The following SDK1 variants were observed in gnomAD, a reference collection of about 807,000 sequenced individuals.
SDK1 encodes the protein sidekick cell adhesion molecule 1, also known as protein sidekick-1.
A neutral mutation model predicts 245.5 loss-of-function variants in SDK1; 157 were observed. The observed-to-expected ratio is 0.64, with a 90% confidence interval of 0.56 to 0.73. The LOEUF (loss-of-function observed/expected upper bound fraction) is 0.73, where lower values mean the gene tolerates loss of function less well. SDK1 is among the 30% of genes least tolerant of loss of function. The probability of loss-of-function intolerance (pLI) is 0.00; values close to 1 mark genes in which losing one functional copy is unlikely to be tolerated. For synonymous variants in SDK1, 1,647 were observed against 1,278.5 expected (o/e 1.29, Z -6.15); for missense variants, 3,583 against 3,002.3 (o/e 1.19, Z -4.52).
intron 5 of SDK1, among the ~76,000 whole-genome samples, chr7:3,902,335 C>T (rs972777113): frequency 6.6e-6 from 1 of 152,204 alleles, no homozygotes; most frequent in African/African-American, 2.4e-5. Context: ...CCTGATTCCC[C>T]ATCACATTAA....
chr7:4,210,172 G>A lies in SDK1; in HGVS notation c.5539+10G>A, dbSNP rs199907657. On this transcript the variant is annotated intron_variant, in intron 38 of 44. Transcript: ENST00000404826. ...TTGGCCCCTGTACAAGGTAAGACCC[G>A]GGGTTGGGGAGATGGGAGCGCGGGC... 75 of 1,538,712 alleles carry A rather than the reference G, an allele frequency of 4.9e-5. No individual in the cohort carries two copies. Among genetic ancestry groups the A allele is most frequent in the Admixed American group, 1.5e-4 (7 of 46,612 alleles).
intron 44 of SDK1, among the ~76,000 whole-genome samples, chr7:4,264,206 TG>T (rs67156372): frequency 0.29 from 6,933 of 23,810 alleles, 1,148 homozygotes; most frequent in African/African-American, 0.47. Flanking sequence ...CTCTCCTGAG[TG>T]GGGGAGGCCG....
intron 31 of SDK1, 25 bp from the exon 32 acceptor site, chr7:4,161,761 C>A: frequency 6.2e-7 from 1 of 1,605,866 alleles, no homozygotes; most frequent in South Asian, 1.1e-5. Context: ...CCCTGACCCC[C>A]GCTTTCCTCT....
At chr7:3,530,783 T>A (rs543999366) in intron 1 of SDK1, among the ~76,000 whole-genome samples, 1 of 152,332 alleles carries the variant, frequency 6.6e-6, no homozygotes, top group African/African-American at 2.4e-5. Context: ...CAGGAGAAGT[T>A]ACTAGTGAGT....
At chr7:4,098,151 C>G (rs1273799445) in intron 22 of SDK1, among the ~76,000 whole-genome samples, 1 of 152,152 alleles carries the variant, frequency 6.6e-6, no homozygotes, top group Non-Finnish European at 1.5e-5. Flanking sequence ...GAAAAGGGGC[C>G]TTTTTGTTCA....
chr7:3,473,135 G>T (rs1283996747), intron 1 of SDK1, among the ~76,000 whole-genome samples: 1 of 152,146 alleles, frequency 6.6e-6, no homozygotes, highest in Non-Finnish European at 1.5e-5. Context: ...TTGTGAGGAA[G>T]GTCAGCATTG....
intron 1 of SDK1, among the ~76,000 whole-genome samples, chr7:3,569,537 A>G (rs780937547): frequency 5.2e-4 from 79 of 152,336 alleles, no homozygotes; most frequent in Non-Finnish European, 1.0e-3. Flanking sequence ...GTATTTGGAG[A>G]TCCTCTGCTG....
intron 1 of SDK1, among the ~76,000 whole-genome samples, chr7:3,454,424 GC>G (rs1780614206): frequency 8.3e-6 from 1 of 120,214 alleles, no homozygotes; most frequent in South Asian, 2.6e-4. Flanking sequence ...GTGTGTGTGT[GC>G]TGTGTACATT....
At chr7:4,233,452 G>A in intron 41 of SDK1, 33 bp downstream of exon 41, 1 of 1,598,478 alleles carries the variant, frequency 6.3e-7, no homozygotes, top group East Asian at 2.2e-5. Flanking sequence ...GTCTTCTTCT[G>A]GAGGACTAGA....
intron 35 of SDK1, among the ~76,000 whole-genome samples, chr7:4,204,702 C>T (rs1784093916): frequency 1.3e-5 from 2 of 152,286 alleles, no homozygotes; most frequent in South Asian, 2.1e-4. Flanking sequence ...GCAGCCCCGG[C>T]GGCAGGCGGA....
intron 32 of SDK1, among the ~76,000 whole-genome samples, chr7:4,173,047 C>T (rs575914709): frequency 4.6e-5 from 7 of 152,368 alleles, no homozygotes; most frequent in Middle Eastern, 3.4e-3. Context: ...AAGGGGCTCT[C>T]GTGCAGCAAA....
chr7:3,764,618 G>GTTGCAGAGA (rs1381651257), intron 4 of SDK1, among the ~76,000 whole-genome samples: 3 of 152,050 alleles, frequency 2.0e-5, no homozygotes. Flanking sequence ...AGAAGCAGAG[G>GTTGCAGAGA]TTGCAGCGAG....
At chr7:4,233,858 G>A (rs567015975) in intron 41 of SDK1, among the ~76,000 whole-genome samples, 6 of 152,228 alleles carry the variant, frequency 3.9e-5, no homozygotes, top group Admixed American at 3.3e-4. Flanking sequence ...GCCCCTTATG[G>A]GCTTTGTGTC....
chr7:3,996,632 C>T (rs1330709044), intron 14 of SDK1, among the ~76,000 whole-genome samples: 2 of 152,140 alleles, frequency 1.3e-5, no homozygotes, highest in Admixed American at 6.5e-5. Flanking sequence ...TTCCCCATTT[C>T]GTCTTCTAAT....
chr7:3,878,088 T>A (rs1432999689), intron 5 of SDK1, among the ~76,000 whole-genome samples: 1 of 152,244 alleles, frequency 6.6e-6, no homozygotes, highest in African/African-American at 2.4e-5. Context: ...AATGTCCCTG[T>A]CTCTGCATTT....
At chr7:4,086,884 A>G (rs796601324) in intron 22 of SDK1, among the ~76,000 whole-genome samples, 51 of 152,218 alleles carry the variant, frequency 3.4e-4, no homozygotes, top group African/African-American at 1.2e-3. Flanking sequence ...TTGCCACTGT[A>G]TCTTTGGGGG....
chr7:3,497,555 C>T (rs775192591), intron 1 of SDK1, among the ~76,000 whole-genome samples: 1 of 152,116 alleles, frequency 6.6e-6, no homozygotes, highest in Non-Finnish European at 1.5e-5. Context: ...CATATATGAT[C>T]TTGTCTCAAC....
chr7:4,142,900 G>A (rs1364556494), intron 28 of SDK1, among the ~76,000 whole-genome samples: 1 of 152,178 alleles, frequency 6.6e-6, no homozygotes, highest in Non-Finnish European at 1.5e-5. Context: ...GATGAACATC[G>A]ATTATGTGGC....
intron 40 of SDK1, among the ~76,000 whole-genome samples, chr7:4,230,144 T>C (rs1047225278): frequency 3.0e-5 from 3 of 101,480 alleles, no homozygotes; most frequent in African/African-American, 1.2e-4. Context: ...AGTGGATGGA[T>C]AGATGAATGG....
Sources: allele counts gnomAD v4.1 joint callset (sites outside exome capture counted in the v4.1 genomes callset), GRCh38; gene constraint gnomAD v4.1.1; transcripts MANE v1.5; gene names NCBI Gene and HGNC (gene_info 2026-07-23, HGNC 2026-07-21).